The following CDS1 variants were observed in gnomAD, a reference collection of about 807,000 sequenced individuals.
CDS1 encodes phosphatidate cytidylyltransferase 1.
Under a neutral mutation model 62.1 loss-of-function variants are expected in CDS1, and 41 were observed. The ratio of observed to expected loss-of-function variants is 0.66; its 90% CI spans 0.51 to 0.86. The LOEUF is 0.86. Among genes scored for constraint, CDS1 ranks in the 40% least tolerant of loss-of-function variants. CDS1 has a pLI of 0.00. For missense variants in CDS1, 470 were observed against 550.1 expected (o/e 0.85, Z 1.46); for synonymous variants, 185 against 192.6 (o/e 0.96, Z 0.32).
intron 1 of CDS1, 33 bp downstream of exon 1, chr4:84,583,551 C>T (rs1722320929): frequency 7.5e-7 from 1 of 1,337,532 alleles, no homozygotes; most frequent in Non-Finnish European, 1.0e-6. Context: ...GACGCCGCGC[C>T]CTGGCTGGGT....
Position 84,607,482 on chromosome 4 carries a change from G to A in CDS1, c.246-1947G>A, listed in dbSNP as rs192879153. Among the ~76,000 whole-genome samples the A allele has an allele frequency of 6.6e-4, 98 of 147,762 alleles. No individual in the cohort carries two copies. The East Asian group carries it at 0.017, about 26-fold the overall frequency. On this transcript the variant is annotated intron_variant, in intron 2 of 12. Transcript: ENST00000295887. ...GGACCACAGGTGAGTACCACCACGC[G>A]CAGCTAAGTTTTGCATGTTTTGTAG...
chr4:84,615,685 T>C (rs1723469558), intron 3 of CDS1, among the ~76,000 whole-genome samples: 1 of 152,144 alleles, frequency 6.6e-6, no homozygotes, highest in African/African-American at 2.4e-5. Context: ...TACCTCTCTG[T>C]GAACAGATGC....
intron 5 of CDS1, among the ~76,000 whole-genome samples, chr4:84,620,083 TGTA>T (rs1723631001): frequency 6.6e-6 from 1 of 151,492 alleles, no homozygotes; most frequent in Middle Eastern, 3.4e-3. Flanking sequence ...CTTTGCAAAT[TGTA>T]GTAAAAAAAC....
chr4:84,619,135 A>T (rs1386809410), intron 4 of CDS1, among the ~76,000 whole-genome samples: 1 of 151,564 alleles, frequency 6.6e-6, no homozygotes, highest in African/African-American at 2.4e-5. Flanking sequence ...AGTATTTTCT[A>T]CATTGTTTCC....
At chr4:84,607,659 G>A in intron 2 of CDS1, among the ~76,000 whole-genome samples, 1 of 152,000 alleles carries the variant, frequency 6.6e-6, no homozygotes, top group East Asian at 1.9e-4. Context: ...ACTTTGGGAG[G>A]CCAAGGCAGG....
intron 3 of CDS1, 74 bp from the exon 4 acceptor site, chr4:84,617,490 A>G: frequency 1.3e-6 from 1 of 775,212 alleles, no homozygotes; most frequent in Non-Finnish European, 2.2e-6. Flanking sequence ...ACATATGACA[A>G]ACTGCTTTAT....
intron 1 of CDS1, among the ~76,000 whole-genome samples, chr4:84,603,092 C>G (rs1722985706): frequency 6.6e-6 from 1 of 152,134 alleles, no homozygotes; most frequent in Non-Finnish European, 1.5e-5. Context: ...TTTGAATTTA[C>G]TAAGTCCTTG....
At chr4:84,636,699 A>G (rs1421762780) in intron 8 of CDS1, among the ~76,000 whole-genome samples, 2 of 151,950 alleles carry the variant, frequency 1.3e-5, no homozygotes, top group Non-Finnish European at 2.9e-5. Context: ...TAATTTTAGT[A>G]TTTTTAGTAG....
At chr4:84,606,064 C>A (rs1723083755) in intron 2 of CDS1, among the ~76,000 whole-genome samples, 1 of 151,840 alleles carries the variant, frequency 6.6e-6, no homozygotes, top group Non-Finnish European at 1.5e-5. Context: ...AACTTTTCTA[C>A]AAAGATTACA....
At chr4:84,595,325 G>A (rs1027248005) in intron 1 of CDS1, among the ~76,000 whole-genome samples, 4 of 152,102 alleles carry the variant, frequency 2.6e-5, no homozygotes, top group Non-Finnish European at 5.9e-5. Context: ...AAGTTTCTCT[G>A]GTGTCCCTTT....
intron 3 of CDS1, among the ~76,000 whole-genome samples, chr4:84,616,688 T>G (rs1428378593): frequency 6.6e-6 from 1 of 152,246 alleles, no homozygotes; most frequent in Non-Finnish European, 1.5e-5. Flanking sequence ...GATTTTTACC[T>G]CTTAATTCAT....
At chr4:84,638,420 G>C (rs1052224106) in intron 8 of CDS1, among the ~76,000 whole-genome samples, 1 of 152,166 alleles carries the variant, frequency 6.6e-6, no homozygotes, top group Admixed American at 6.5e-5. Context: ...AAGTCTGTGT[G>C]TATATAGCAT....
chr4:84,644,889 G>A (rs1406064032), intron 11 of CDS1, among the ~76,000 whole-genome samples: 1 of 152,106 alleles, frequency 6.6e-6, no homozygotes, highest in Non-Finnish European at 1.5e-5. Context: ...TAAAAAGAAA[G>A]CTAGGCTGTA....
At chr4:84,620,244 A>T (rs1435398425) in intron 5 of CDS1, among the ~76,000 whole-genome samples, 13 of 106,508 alleles carry the variant, frequency 1.2e-4, no homozygotes, top group South Asian at 3.3e-4. Context: ...TTTTTTTGAG[A>T]TGGAGTCTCA....
At position 84,583,196 on chromosome 4, in the gene CDS1, C is replaced by T; in HGVS notation, c.-206C>T. The T allele has an allele frequency of 2.1e-6, 1 of 482,742 alleles. No individual in the cohort carries two copies. Among genetic ancestry groups the T allele is most frequent in the Non-Finnish European group, 3.7e-6 (1 of 273,862 alleles). 29.9% of individuals were successfully genotyped at this position (482,742 alleles called of 1,614,324 possible). A position where few individuals can be genotyped will look rare whatever the true frequency, so the allele number is the denominator to read the frequency against. On this transcript the variant is annotated 5_prime_UTR_variant, in exon 1 of 13. Coordinates refer to ENST00000295887, the MANE Select transcript of CDS1 (RefSeq NM_001263.4). ...CCGCCGGAGCCGCGCTCGCTGCAGG[C>T]GGCCTCGAGCGCTCTCTCGTTGATG...
chr4:84,595,673 A>G (rs1014510617), intron 1 of CDS1, among the ~76,000 whole-genome samples: 2 of 152,230 alleles, frequency 1.3e-5, no homozygotes, highest in African/African-American at 4.8e-5. Flanking sequence ...TATTTATCTT[A>G]GCCCTGAAAA....
In CDS1 at chr4:84,611,085, A is replaced by G. The variant is rs190101165; in HGVS notation, c.342+1560A>G. Among the ~76,000 whole-genome samples, 800 of 152,378 alleles carry G rather than the reference A, an allele frequency of 5.3e-3. 11 individuals are homozygous for G. Among genetic ancestry groups the G allele is most frequent in the African/African-American group, 0.018 (751 of 41,596 alleles). ...CAATCTGAAGGTTGAGTGGGAATCA[A>G]CAAGGTAAAGGATGGAGTCTTGGGG... On this transcript the variant is annotated intron_variant, in intron 3 of 12. Coordinates refer to ENST00000295887, the MANE Select transcript of CDS1 (RefSeq NM_001263.4).
chr4:84,583,204 A>T lies in CDS1; in HGVS notation c.-198A>T, dbSNP rs1369284822. 5 of 492,878 alleles carry T rather than the reference A, an allele frequency of 1.0e-5. No individual in the cohort carries two copies. 30.5% of individuals were successfully genotyped at this position (492,878 alleles called of 1,614,324 possible). ...GCCGCGCTCGCTGCAGGCGGCCTCG[A>T]GCGCTCTCTCGTTGATGCCGTTTTG... is the stretch of plus-strand genomic sequence containing the variant. On this transcript the variant is annotated 5_prime_UTR_variant, in exon 1 of 13. Coordinates refer to ENST00000295887, the MANE Select transcript of CDS1 (RefSeq NM_001263.4).
At chr4:84,634,011 GTCTTACAGATTTC>G (rs1724103044) in intron 7 of CDS1, 72 bp downstream of exon 7, 1 of 793,220 alleles carries the variant, frequency 1.3e-6, no homozygotes, top group Non-Finnish European at 2.0e-6. Flanking sequence ...GTTGGATAGT[GTCTTACAGATTTC>G]TACTAAAATG....
Sources: gnomAD v4.1 joint callset for allele counts (sites outside exome capture counted in the v4.1 genomes callset) on GRCh38, gnomAD v4.1.1 for gene constraint, MANE v1.5 for transcripts, NCBI Gene and HGNC (gene_info 2026-07-23, HGNC 2026-07-21) for gene names.